FAT1: variants seen among roughly 807,000 people sequenced by gnomAD.
FAT1 encodes the protein FAT atypical cadherin 1.
A neutral mutation model predicts 329.8 loss-of-function variants in FAT1; 171 were observed. The ratio of observed to expected loss-of-function variants is 0.52; its 90% CI spans 0.46 to 0.59. The LOEUF (loss-of-function observed/expected upper bound fraction) is 0.59, where lower values mean the gene tolerates loss of function less well. FAT1 is among the 20% of genes least tolerant of loss of function. FAT1 has a pLI of 0.00. For synonymous variants in FAT1, 2,233 were observed against 2,228.6 expected, an observed-to-expected ratio of 1.00 and a Z score of -0.06; for missense variants, 5,672 against 5,774.4, an observed-to-expected ratio of 0.98 and a Z score of 0.57.
intron 26 of FAT1, among the ~76,000 whole-genome samples, chr4:186,592,534 A>G (rs956732587): frequency 3.3e-5 from 5 of 152,202 alleles, no homozygotes; most frequent in African/African-American, 1.2e-4. Context: ...TTTGCAAAGC[A>G]CTCATATTAC....
At chr4:186,701,660 T>G (rs1744319525) in intron 2 of FAT1, among the ~76,000 whole-genome samples, 1 of 152,188 alleles carries the variant, frequency 6.6e-6, no homozygotes, top group African/African-American at 2.4e-5. Flanking sequence ...TTAGTCAGGA[T>G]CCGGGGCCCG....
chr4:186,609,400 G>C, intron 15 of FAT1, 80 bp from the exon 16 acceptor site: 2 of 1,483,076 alleles, frequency 1.3e-6, no homozygotes, highest in South Asian at 1.3e-5. Context: ...GATATTAATA[G>C]CTTAGCTGTT....
At chr4:186,688,344 G>C (rs1372512408) in intron 2 of FAT1, among the ~76,000 whole-genome samples, 1 of 152,074 alleles carries the variant, frequency 6.6e-6, no homozygotes, top group Non-Finnish European at 1.5e-5. Context: ...TCAAGTCAAA[G>C]AGAAGCCTGT....
chr4:186,690,040 T>C (rs143375613), intron 2 of FAT1, among the ~76,000 whole-genome samples: 1 of 152,212 alleles, frequency 6.6e-6, no homozygotes, highest in Non-Finnish European at 1.5e-5. Context: ...AATTACATTT[T>C]CCCTATCCCT....
At chr4:186,617,589 A>G (rs1038706514) in intron 10 of FAT1, 119 bp downstream of exon 10, 1 of 808,768 alleles carries the variant, frequency 1.2e-6, no homozygotes, top group South Asian at 2.2e-5. Flanking sequence ...ATTATTTTAG[A>G]TATTTTTAAC....
upstream of FAT1, chr4:186,723,877 C>T (rs990824069): frequency 2.7e-4 from 41 of 150,632 alleles, no homozygotes; most frequent in African/African-American, 9.7e-4. Context: ...GGAGATCCCT[C>T]CGCCCCGGCC....
At chr4:186,630,585 G>A (rs923313900) in intron 7 of FAT1, among the ~76,000 whole-genome samples, 1 of 152,180 alleles carries the variant, frequency 6.6e-6, no homozygotes, top group African/African-American at 2.4e-5. Context: ...GCCCAAACCA[G>A]TGCTGATGTG....
At chr4:186,645,723 A>C (rs1375383830) in intron 3 of FAT1, among the ~76,000 whole-genome samples, 3 of 151,772 alleles carry the variant, frequency 2.0e-5, no homozygotes, top group Non-Finnish European at 4.4e-5. Flanking sequence ...AGGCAGGTGA[A>C]TCACTTGAGG....
intron 2 of FAT1, among the ~76,000 whole-genome samples, chr4:186,700,821 G>A (rs1420017712): frequency 5.3e-5 from 8 of 152,276 alleles, no homozygotes; most frequent in African/African-American, 1.7e-4. Context: ...AGAATGCCGG[G>A]CCCAGTGCCC....
intron 3 of FAT1, among the ~76,000 whole-genome samples, chr4:186,641,356 CT>C (rs1741081908): frequency 6.6e-6 from 1 of 152,186 alleles, no homozygotes; most frequent in Non-Finnish European, 1.5e-5. Flanking sequence ...GTGGCACAAG[CT>C]TAATTTTCAT....
intron 26 of FAT1, 124 bp downstream of exon 26, chr4:186,595,565 A>G: frequency 9.1e-7 from 1 of 1,099,926 alleles, no homozygotes; most frequent in Admixed American, 2.2e-5. Flanking sequence ...ATTGTTTAAA[A>G]GTGGTCCAAG....
intron 7 of FAT1, 74 bp from the exon 8 acceptor site, chr4:186,628,837 G>A (rs1287636589): frequency 1.4e-5 from 20 of 1,418,030 alleles, no homozygotes; most frequent in East Asian, 9.4e-5. Flanking sequence ...AACCATGAAC[G>A]AAAGTCATGT....
Position 186,628,631 on chromosome 4 carries a change from T to A in FAT1, c.4456A>T (p.Lys1486Ter), listed in dbSNP as rs1740441693. 6.2e-7 allele frequency: 1 copy of A among 1,613,348 alleles called. No homozygotes were observed. The highest frequency in any genetic ancestry group is 1.3e-5 in the African/African-American group (1 of 74,722). The change falls in exon 8 of 27, where the codon AAA becomes TAA. Residue 1486 changes from lysine to a stop codon, truncating the protein, a stop_gained. Coordinates refer to ENST00000441802, the MANE Select transcript of FAT1 (RefSeq NM_005245.4). LOFTEE classifies it high-confidence loss of function. ...LQISAVDQDE[K>*]NKLIYTLQSS... Reference sequence around the variant, plus strand: ...TGCAGAGTGTAGATTAGTTTGTTTTTCTCATCCTGATCCACAGCACTGATT... The same window carrying A: ...TGCAGAGTGTAGATTAGTTTGTTTTACTCATCCTGATCCACAGCACTGATT...
At chr4:186,627,568 C>T (rs1206304697) in intron 9 of FAT1, among the ~76,000 whole-genome samples, 3 of 152,110 alleles carry the variant, frequency 2.0e-5, no homozygotes, top group Admixed American at 6.6e-5. Flanking sequence ...CCCCAGCAGG[C>T]CCCAGCTCTG....
chr4:186,609,885 G>C lies in FAT1; in HGVS notation c.9984C>G (p.Ile3328Met), dbSNP rs1222586263. 2 of 1,612,812 alleles carry C rather than the reference G, an allele frequency of 1.2e-6. No individual in the cohort carries two copies. The highest frequency in any genetic ancestry group is 1.7e-4 in the Middle Eastern group (1 of 6,060). ...GGCTGAACACAGGGGTATTATCGTT[G>C]ATATCTGTTACATTAACGTTCACAG... ...VATVNVNVTD[I>M]NDNTPVFSQD... The change falls in exon 15 of 27, where the codon ATC becomes ATG. Residue 3328 changes from isoleucine (I) to methionine (M), a missense_variant. By Grantham distance (10) the Ile-to-Met change is conservative (BLOSUM62 1). Transcript: ENST00000441802.
chr4:186,642,260 G>A (rs947957854), intron 3 of FAT1, among the ~76,000 whole-genome samples: 2 of 152,074 alleles, frequency 1.3e-5, no homozygotes, highest in Non-Finnish European at 2.9e-5. Context: ...AGGGCCTGGC[G>A]TGGGTTCCTG....
intron 1 of FAT1, among the ~76,000 whole-genome samples, chr4:186,719,485 C>T (rs894536431): frequency 1.1e-4 from 17 of 152,310 alleles, no homozygotes; most frequent in African/African-American, 4.1e-4. Context: ...ATAGACTTTT[C>T]ACCCTTTCGC....
chr4:186,663,820 T>C (rs556474099), intron 2 of FAT1, among the ~76,000 whole-genome samples: 13 of 152,274 alleles, frequency 8.5e-5, no homozygotes, highest in African/African-American at 3.1e-4. Context: ...AACATGCATA[T>C]AATGATTAGA....
chr4:186,725,806 G>T (rs1182457667), upstream of FAT1, among the ~76,000 whole-genome samples: 1 of 152,196 alleles, frequency 6.6e-6, no homozygotes, highest in Non-Finnish European at 1.5e-5. This position sits in a 1 kb window ranked among gnomAD's most constrained non-coding sequence, Gnocchi z 5.4. Context: ...TGGGGAGACG[G>T]TTCCAGAAAC....
Sources: allele counts gnomAD v4.1 joint callset (sites outside exome capture counted in the v4.1 genomes callset), GRCh38; gene constraint gnomAD v4.1.1; non-coding constraint Gnocchi (gnomAD v3.1); transcripts MANE v1.5; gene names NCBI Gene and HGNC (gene_info 2026-07-23, HGNC 2026-07-21).